Variants in REDIC1 observed in about 807,000 individuals in gnomAD.
REDIC1 encodes the protein regulator of DNA class I crossover intermediates 1.
the REDIC1 span, among the ~76,000 whole-genome samples, chr12:39,793,500 A>C: frequency 6.6e-6 from 1 of 152,110 alleles, no homozygotes; most frequent in African/African-American, 2.4e-5. Flanking sequence ...AACCACAACA[A>C]CATTATTCCC....
chr12:39,811,286 A>G, the REDIC1 span, among the ~76,000 whole-genome samples: 2 of 151,996 alleles, frequency 1.3e-5, no homozygotes, highest in Non-Finnish European at 2.9e-5. Context: ...TACTTCATCT[A>G]TTGCTTTTAC....
the REDIC1 span, among the ~76,000 whole-genome samples, chr12:39,676,534 A>T: frequency 3.9e-5 from 6 of 152,228 alleles, no homozygotes; most frequent in Non-Finnish European, 8.8e-5. Context: ...AACTTATTTG[A>T]GGTAATAATC....
the REDIC1 span, among the ~76,000 whole-genome samples, chr12:39,730,201 A>G: frequency 6.6e-6 from 1 of 152,314 alleles, no homozygotes; most frequent in Non-Finnish European, 1.5e-5. Context: ...TCCTGTCATT[A>G]TGATGTCAGC....
the REDIC1 span, among the ~76,000 whole-genome samples, chr12:39,782,500 C>T: frequency 2.0e-4 from 30 of 152,158 alleles, no homozygotes; most frequent in Non-Finnish European, 3.7e-4. Flanking sequence ...TCTGAGGCCT[C>T]CCCAGCCATG....
At chr12:39,815,451 T>C in the REDIC1 span, among the ~76,000 whole-genome samples, 19 of 152,182 alleles carry the variant, frequency 1.2e-4, no homozygotes, top group Non-Finnish European at 2.5e-4. Flanking sequence ...ATAGGACTCG[T>C]AGGCTGGAGC....
At chr12:39,670,093 C>G in the REDIC1 span, among the ~76,000 whole-genome samples, 1 of 152,190 alleles carries the variant, frequency 6.6e-6, no homozygotes, top group Non-Finnish European at 1.5e-5. Flanking sequence ...TGAGATGAAC[C>G]CGGTACCTCA....
chr12:39,661,040 G>A, the REDIC1 span, among the ~76,000 whole-genome samples: 14 of 152,022 alleles, frequency 9.2e-5, no homozygotes, highest in Non-Finnish European at 1.6e-4. Flanking sequence ...ACCACATTTT[G>A]TTATCCGTTC....
chr12:39,678,570 C>G, the REDIC1 span, among the ~76,000 whole-genome samples: 1 of 150,672 alleles, frequency 6.6e-6, no homozygotes, highest in African/African-American at 2.4e-5. Flanking sequence ...AGAGAATCCT[C>G]CCTAAATCAT....
At chr12:39,712,348 A>G in the REDIC1 span, among the ~76,000 whole-genome samples, 2 of 44,560 alleles carry the variant, frequency 4.5e-5, no homozygotes, top group South Asian at 5.5e-4. Context: ...CTGTATTTAT[A>G]TATACATACA....
At chr12:39,842,009 T>G in the REDIC1 span, among the ~76,000 whole-genome samples, 2 of 152,040 alleles carry the variant, frequency 1.3e-5, no homozygotes, top group African/African-American at 4.8e-5. Flanking sequence ...ATTGGCATCA[T>G]GAGGGAGGCT....
At chr12:39,716,820 C>G in the REDIC1 span, 2 of 1,599,000 alleles carry the variant, frequency 1.3e-6, no homozygotes, top group Non-Finnish European at 1.7e-6. Context: ...ACAGCTGTTT[C>G]AGTTCTAGTT....
the REDIC1 span, among the ~76,000 whole-genome samples, chr12:39,783,130 A>T: frequency 6.6e-6 from 1 of 151,888 alleles, no homozygotes; most frequent in African/African-American, 2.4e-5. Context: ...GTTTGGTTTT[A>T]TGTCCTTGTG....
chr12:39,898,769 C>A, the REDIC1 span, among the ~76,000 whole-genome samples: 1 of 152,256 alleles, frequency 6.6e-6, no homozygotes, highest in African/African-American at 2.4e-5. Flanking sequence ...CTACTTACAT[C>A]TCTCTCAATT....
chr12:39,769,078 G>A, the REDIC1 span, among the ~76,000 whole-genome samples: 1 of 152,048 alleles, frequency 6.6e-6, no homozygotes, highest in African/African-American at 2.4e-5. Flanking sequence ...GCAGTGTTAT[G>A]AAACCATGCT....
the REDIC1 span, chr12:39,643,963 A>G: frequency 7.3e-7 from 1 of 1,364,862 alleles, no homozygotes; most frequent in Non-Finnish European, 1.0e-6. Flanking sequence ...ATGTGATCAT[A>G]ATAATGTTTA....
the REDIC1 span, among the ~76,000 whole-genome samples, chr12:39,902,227 T>G: frequency 1.3e-5 from 2 of 148,254 alleles, no homozygotes; most frequent in Non-Finnish European, 3.0e-5. Flanking sequence ...CATTAGGAGA[T>G]ATACCTAATG....
the REDIC1 span, among the ~76,000 whole-genome samples, chr12:39,743,396 C>T: frequency 2.0e-5 from 3 of 152,136 alleles, no homozygotes; most frequent in African/African-American, 4.8e-5. Flanking sequence ...ACCACCATGT[C>T]ACCAAAAGTT....
At chr12:39,669,389 T>C in the REDIC1 span, among the ~76,000 whole-genome samples, 1 of 152,180 alleles carries the variant, frequency 6.6e-6, no homozygotes, top group Non-Finnish European at 1.5e-5. Context: ...GAAGCAAATG[T>C]TGCTGCCTTA....
chr12:39,842,731 G>A, the REDIC1 span, among the ~76,000 whole-genome samples: 130 of 151,936 alleles, frequency 8.6e-4, no homozygotes, highest in Middle Eastern at 3.4e-3. Flanking sequence ...ATCCAATTCC[G>A]GAACATTTTC....
Sources: gnomAD v4.1 joint callset for allele counts (sites outside exome capture counted in the v4.1 genomes callset) on GRCh38, gnomAD v4.1.1 for gene constraint, MANE v1.5 for transcripts, NCBI Gene and HGNC (gene_info 2026-07-23, HGNC 2026-07-21) for gene names.